CNTNAP2: variants seen among roughly 807,000 people sequenced by gnomAD.
CNTNAP2 encodes contactin-associated protein-like 2.
A neutral mutation model predicts 155.2 loss-of-function variants in CNTNAP2; 98 were observed. The observed-to-expected ratio is 0.63, with a 90% CI of 0.54 to 0.75. The LOEUF (loss-of-function observed/expected upper bound fraction) is 0.75, where lower values mean the gene tolerates loss of function less well. CNTNAP2 is among the 30% of genes least tolerant of loss of function. The probability of loss-of-function intolerance (pLI) is 0.00; values close to 1 mark genes in which losing one functional copy is unlikely to be tolerated. For synonymous variants in CNTNAP2, 651 were observed against 631.2 expected, an observed-to-expected ratio of 1.03 and a Z score of -0.47; for missense variants, 1,727 against 1,688.1, an observed-to-expected ratio of 1.02 and a Z score of -0.40.
At chr7:147,373,820 G>T (rs2116919389) in intron 9 of CNTNAP2, among the ~76,000 whole-genome samples, 1 of 151,844 alleles carries the variant, frequency 6.6e-6, no homozygotes, top group African/African-American at 2.4e-5. Context: ...CTTTCATCTT[G>T]TAAATAGTAA....
chr7:147,489,906 T>C (rs748729164), intron 11 of CNTNAP2, among the ~76,000 whole-genome samples: 17 of 152,190 alleles, frequency 1.1e-4, no homozygotes, highest in Admixed American at 2.0e-4. Flanking sequence ...TGAGCCACCA[T>C]GCCTGGCCAA....
chr7:148,266,160 C>T (rs764126557), intron 20 of CNTNAP2, among the ~76,000 whole-genome samples: 9 of 152,186 alleles, frequency 5.9e-5, no homozygotes, highest in East Asian at 1.9e-4. Context: ...TCTTATAACC[C>T]GCACCTCTCG....
At chr7:148,405,506 C>G (rs1017980302) in intron 22 of CNTNAP2, among the ~76,000 whole-genome samples, 2 of 140,092 alleles carry the variant, frequency 1.4e-5, no homozygotes, top group African/African-American at 5.4e-5. Context: ...CGGCTCGCTA[C>G]AACCTCCGCC....
chr7:147,714,514 G>A (rs1796452804), intron 13 of CNTNAP2, among the ~76,000 whole-genome samples: 1 of 151,956 alleles, frequency 6.6e-6, no homozygotes, highest in African/African-American at 2.4e-5. Flanking sequence ...TGAGGGGTTA[G>A]AGGGATGAAG....
intron 13 of CNTNAP2, among the ~76,000 whole-genome samples, chr7:147,748,010 G>A (rs763709500): frequency 5.3e-5 from 8 of 152,180 alleles, no homozygotes; most frequent in African/African-American, 1.2e-4. Context: ...TCAATCACCC[G>A]CCTAGCATGC....
chr7:146,850,950 G>A (rs115780627), intron 3 of CNTNAP2, among the ~76,000 whole-genome samples: 5,909 of 151,956 alleles, frequency 0.039, 138 homozygotes, highest in Non-Finnish European at 0.043. Flanking sequence ...CTGTAATATA[G>A]CGCTTGTATA....
intron 15 of CNTNAP2, among the ~76,000 whole-genome samples, chr7:147,981,602 TTG>T (rs1801531208): frequency 6.6e-6 from 1 of 152,252 alleles, no homozygotes; most frequent in South Asian, 2.1e-4. Flanking sequence ...GAAACCATTT[TTG>T]TGGGCTCTGC....
intron 2 of CNTNAP2, among the ~76,000 whole-genome samples, chr7:146,794,059 C>G (rs2129189730): frequency 6.6e-6 from 1 of 152,274 alleles, no homozygotes; most frequent in Admixed American, 6.5e-5. Flanking sequence ...ATTCATTGAT[C>G]TGAACAGCTG....
chr7:146,538,826 G>A (rs1797908719), intron 1 of CNTNAP2, among the ~76,000 whole-genome samples: 1 of 151,304 alleles, frequency 6.6e-6, no homozygotes, highest in South Asian at 2.1e-4. Flanking sequence ...ATGTGATATT[G>A]GAATTATTTT....
At chr7:148,362,355 A>G (rs1798640906) in intron 21 of CNTNAP2, among the ~76,000 whole-genome samples, 2 of 152,158 alleles carry the variant, frequency 1.3e-5, no homozygotes, top group African/African-American at 4.8e-5. Flanking sequence ...TTGGGTGGGG[A>G]CACAGAGCCA....
intron 1 of CNTNAP2, among the ~76,000 whole-genome samples, chr7:146,586,205 T>G (rs1798689240): frequency 6.6e-6 from 1 of 152,206 alleles, no homozygotes; most frequent in Non-Finnish European, 1.5e-5. Context: ...CCAAACATCA[T>G]TTAATGGAAT....
chr7:147,643,692 T>C (rs538751672), intron 13 of CNTNAP2, among the ~76,000 whole-genome samples: 1 of 152,324 alleles, frequency 6.6e-6, no homozygotes, highest in South Asian at 2.1e-4. Flanking sequence ...GTGATTGCAA[T>C]TAAAATGAAT....
intron 11 of CNTNAP2, among the ~76,000 whole-genome samples, chr7:147,554,001 G>A (rs1052575320): frequency 5.3e-5 from 8 of 152,126 alleles, no homozygotes; most frequent in African/African-American, 1.9e-4. Flanking sequence ...GAGAAGGTTA[G>A]AGATGGGAAT....
intron 1 of CNTNAP2, among the ~76,000 whole-genome samples, chr7:146,118,695 C>T (rs2116714071): frequency 6.6e-6 from 1 of 152,112 alleles, no homozygotes; most frequent in East Asian, 1.9e-4. Context: ...TGGGTTAATG[C>T]ATTTTAAGAT....
chr7:146,467,017 T>C (rs1320012385), intron 1 of CNTNAP2, among the ~76,000 whole-genome samples: 1 of 152,152 alleles, frequency 6.6e-6, no homozygotes, highest in East Asian at 1.9e-4. Context: ...CTTTAAACTC[T>C]TCTAAGTACA....
intron 8 of CNTNAP2, among the ~76,000 whole-genome samples, chr7:147,242,194 A>G (rs1803952822): frequency 6.6e-6 from 1 of 152,076 alleles, no homozygotes; most frequent in Non-Finnish European, 1.5e-5. Context: ...TTATTTCCCC[A>G]TTCATTCTTC....
intron 4 of CNTNAP2, among the ~76,000 whole-genome samples, chr7:147,089,261 C>T (rs1800347651): frequency 6.6e-6 from 1 of 152,168 alleles, no homozygotes; most frequent in Non-Finnish European, 1.5e-5. Flanking sequence ...TTCAAGTGAT[C>T]GGAGTCCTGG....
At chr7:148,024,384 T>C (rs1036570066) in intron 15 of CNTNAP2, among the ~76,000 whole-genome samples, 1 of 152,144 alleles carries the variant, frequency 6.6e-6, no homozygotes, top group African/African-American at 2.4e-5. Context: ...CGAAGTGTGG[T>C]GTACACACAC....
At chr7:146,660,852 C>T (rs564680046) in intron 1 of CNTNAP2, among the ~76,000 whole-genome samples, 129 of 152,276 alleles carry the variant, frequency 8.5e-4, no homozygotes, top group African/African-American at 3.0e-3. Flanking sequence ...ATGGACTGAA[C>T]ACACCCAGTC....
Sources: gnomAD v4.1 joint callset for allele counts (sites outside exome capture counted in the v4.1 genomes callset) on GRCh38, gnomAD v4.1.1 for gene constraint, MANE v1.5 for transcripts, NCBI Gene and HGNC (gene_info 2026-07-23, HGNC 2026-07-21) for gene names.